CNTN4: variants seen among roughly 807,000 people sequenced by gnomAD.
CNTN4 encodes the protein contactin 4, also known as contactin-4.
CNTN4 carries 77 observed loss-of-function variants against 122.5 expected under a neutral mutation model. The ratio of observed to expected loss-of-function variants is 0.63; its 90% CI spans 0.52 to 0.76. CNTN4 has a LOEUF of 0.76. Among genes scored for constraint, CNTN4 ranks in the 30% least tolerant of loss-of-function variants. The probability of loss-of-function intolerance (pLI) is 0.00; values close to 1 mark genes in which losing one functional copy is unlikely to be tolerated. For missense variants in CNTN4, 1,256 were observed against 1,259.1 expected (o/e 1.00, Z 0.04); for synonymous variants, 512 against 447.0 (o/e 1.15, Z -1.83).
At chr3:2,541,719 A>T (rs989700624) in intron 3 of CNTN4, among the ~76,000 whole-genome samples, 2 of 152,164 alleles carry the variant, frequency 1.3e-5, no homozygotes, top group Non-Finnish European at 2.9e-5. Context: ...AGCATCTACC[A>T]GAGTATATGT....
At chr3:3,044,096 GTATGTTTC>G (rs1296116413) in intron 23 of CNTN4, among the ~76,000 whole-genome samples, 1 of 151,716 alleles carries the variant, frequency 6.6e-6, no homozygotes, top group Non-Finnish European at 1.5e-5. Context: ...ATTTTTGTTC[GTATGTTTC>G]TATAGTCAAG....
intron 6 of CNTN4, among the ~76,000 whole-genome samples, chr3:2,753,848 C>G (rs1169464366): frequency 6.6e-6 from 1 of 152,114 alleles, no homozygotes; most frequent in Non-Finnish European, 1.5e-5. Flanking sequence ...CTGTGAACAT[C>G]TAAAAGCATA....
chr3:2,740,663 T>TTAGTC (rs10633861), intron 5 of CNTN4, among the ~76,000 whole-genome samples: 138,311 of 151,718 alleles, frequency 0.91, 63,125 homozygotes, highest in Non-Finnish European at 0.94. Flanking sequence ...ATGAAAAACT[T>TTAGTC]TAACAACTAC....
chr3:2,197,382 A>T (rs1559334252), intron 2 of CNTN4, among the ~76,000 whole-genome samples: 1 of 152,242 alleles, frequency 6.6e-6, no homozygotes, highest in Non-Finnish European at 1.5e-5. Flanking sequence ...TGAAAGAAGA[A>T]GCAGGAAAGA....
At chr3:2,913,130 T>A (rs1180775370) in intron 12 of CNTN4, among the ~76,000 whole-genome samples, 1 of 152,120 alleles carries the variant, frequency 6.6e-6, no homozygotes, top group Non-Finnish European at 1.5e-5. Flanking sequence ...CCAGCCTGGA[T>A]GACAGAGTGA....
chr3:2,243,573 C>G (rs529383294), intron 2 of CNTN4, among the ~76,000 whole-genome samples: 34 of 152,114 alleles, frequency 2.2e-4, no homozygotes, highest in Admixed American at 1.8e-3. Flanking sequence ...CCCAAGACAA[C>G]TCTTCTTCCC....
At chr3:2,575,466 G>GTAC (rs1559256784) in intron 4 of CNTN4, among the ~76,000 whole-genome samples, 1 of 152,076 alleles carries the variant, frequency 6.6e-6, no homozygotes. Flanking sequence ...AGCCGAGATC[G>GTAC]TACTACTGCA....
intron 3 of CNTN4, among the ~76,000 whole-genome samples, chr3:2,431,132 G>T (rs569753664): frequency 6.6e-6 from 1 of 152,130 alleles, no homozygotes; most frequent in African/African-American, 2.4e-5. Flanking sequence ...AGCTTTGTTT[G>T]TAATATGAAA....
At chr3:2,667,057 G>T (rs572613055) in intron 4 of CNTN4, among the ~76,000 whole-genome samples, 2 of 152,122 alleles carry the variant, frequency 1.3e-5, no homozygotes, top group Non-Finnish European at 2.9e-5. Context: ...ACATATGTGT[G>T]CATGTGTCTT....
chr3:2,625,912 CTACCAG>C (rs2149981386), intron 4 of CNTN4, among the ~76,000 whole-genome samples: 1 of 152,242 alleles, frequency 6.6e-6, no homozygotes, highest in South Asian at 2.1e-4. Flanking sequence ...TACATTTGTT[CTACCAG>C]TATCGAATTG....
chr3:2,705,295 G>A (rs1157747954), intron 4 of CNTN4, among the ~76,000 whole-genome samples: 1 of 145,822 alleles, frequency 6.9e-6, no homozygotes, highest in Non-Finnish European at 1.5e-5. Flanking sequence ...GGGAACCTAG[G>A]AGGCAGAGCT....
Position 2,887,321 on chromosome 3 carries a change from G to A in CNTN4, c.940+97G>A, listed in dbSNP as rs2093990111. On this transcript the variant is annotated intron_variant, in intron 10 of 24. Transcript: ENST00000418658. The stretch of plus-strand genomic sequence containing the variant: ...GGCATTCAGGCATTTTGGGAGAGAT[G>A]GTGCAGAATAGGACTGTGTGAAACT... The A allele has an allele frequency of 2.6e-6, 3 of 1,144,290 alleles. No individual in the cohort carries two copies. In the East Asian group the frequency reaches 7.4e-5, roughly 28 times the overall value. 70.9% of individuals were successfully genotyped at this position (1,144,290 alleles called of 1,614,324 possible).
chr3:2,613,297 C>T (rs2081577160), intron 4 of CNTN4, among the ~76,000 whole-genome samples: 1 of 152,192 alleles, frequency 6.6e-6, no homozygotes, highest in Non-Finnish European at 1.5e-5. Flanking sequence ...GCAAAAATGA[C>T]ATCACATAGC....
chr3:2,323,250 G>A (rs1275314569), intron 2 of CNTN4, among the ~76,000 whole-genome samples: 4 of 152,078 alleles, frequency 2.6e-5, no homozygotes, highest in Admixed American at 1.3e-4. Context: ...ACAAAATCAA[G>A]CCCCATTAGT....
chr3:2,867,795 C>G (rs747447053), intron 8 of CNTN4, among the ~76,000 whole-genome samples: 1 of 152,004 alleles, frequency 6.6e-6, no homozygotes, highest in African/African-American at 2.4e-5. Context: ...CCCAAAAGAT[C>G]TCATAATTCT....
At chr3:2,158,973 T>C (rs1272535459) in intron 2 of CNTN4, among the ~76,000 whole-genome samples, 1 of 152,186 alleles carries the variant, frequency 6.6e-6, no homozygotes, top group African/African-American at 2.4e-5. Flanking sequence ...GAGCCAGATT[T>C]GACTCACAGG....
intron 4 of CNTN4, among the ~76,000 whole-genome samples, chr3:2,634,686 A>AAAT (rs1300446731): frequency 7.4e-6 from 1 of 134,940 alleles, no homozygotes. Flanking sequence ...GAAAAAAAAA[A>AAAT]AATATATATA....
intron 17 of CNTN4, among the ~76,000 whole-genome samples, chr3:3,035,587 C>G (rs1699531922): frequency 6.6e-6 from 1 of 152,122 alleles, no homozygotes; most frequent in Non-Finnish European, 1.5e-5. Flanking sequence ...GACAGGGTCT[C>G]ACTCTGTCAC....
At chr3:2,960,859 A>G (rs944371617) in intron 13 of CNTN4, among the ~76,000 whole-genome samples, 3 of 152,176 alleles carry the variant, frequency 2.0e-5, no homozygotes, top group Admixed American at 2.0e-4. Flanking sequence ...ATGCAAGCAA[A>G]TGATTTTGAA....
Sources: gnomAD v4.1 joint callset for allele counts (sites outside exome capture counted in the v4.1 genomes callset) on GRCh38, gnomAD v4.1.1 for gene constraint, MANE v1.5 for transcripts, NCBI Gene and HGNC (gene_info 2026-07-23, HGNC 2026-07-21) for gene names.